SCHIP1: variants seen among roughly 807,000 people sequenced by gnomAD.
SCHIP1 encodes schwannomin-interacting protein 1.
In SCHIP1, 8 loss-of-function variants were observed where a neutral mutation model predicts 29.7. That is an observed-to-expected ratio of 0.27 (90% CI 0.16 to 0.49). The LOEUF is 0.49. Ranked by LOEUF, SCHIP1 falls within the 20% of genes least tolerant of loss-of-function variation. SCHIP1 has a pLI of 0.99. For missense variants in SCHIP1, 193 were observed against 294.6 expected (o/e 0.66, Z 2.52); for synonymous variants, 76 against 94.9 (o/e 0.80, Z 1.16).
chr3:159,764,183 G>A, the SCHIP1 span: 1 of 438,006 alleles, frequency 2.3e-6, no homozygotes, highest in South Asian at 5.6e-5. The surrounding 1 kb of genome is among the most constrained non-coding windows in gnomAD (Gnocchi z 6.1). Flanking sequence ...TGTATGAAAA[G>A]TGTGCGCGCT....
chr3:159,791,072 C>T, the SCHIP1 span, among the ~76,000 whole-genome samples: 62 of 152,134 alleles, frequency 4.1e-4, no homozygotes, highest in African/African-American at 1.5e-3. Flanking sequence ...TTATGAAACA[C>T]AATTGAATAG....
the SCHIP1 span, among the ~76,000 whole-genome samples, chr3:159,277,295 C>T: frequency 1.6e-4 from 24 of 152,094 alleles, no homozygotes; most frequent in African/African-American, 4.8e-4. Flanking sequence ...TAAAAGCAGT[C>T]AAAGACAGAC....
chr3:159,651,866 G>A, the SCHIP1 span, among the ~76,000 whole-genome samples: 5 of 152,276 alleles, frequency 3.3e-5, no homozygotes, highest in East Asian at 9.7e-4. Flanking sequence ...GGAGGCTGAG[G>A]TAGGCGGATC....
At chr3:159,871,190 A>G (rs1268055009) in intron 2 of SCHIP1, among the ~76,000 whole-genome samples, 1 of 152,074 alleles carries the variant, frequency 6.6e-6, no homozygotes, top group Non-Finnish European at 1.5e-5. Context: ...CCCACCAATA[A>G]CTAAGTATAA....
Position 159,892,201 on chromosome 3 carries a change from C to T in SCHIP1, c.683+11C>T. ...TGAAGACTTGACCAGGTCAGTGTGGCTTCACTCTTGCCAAAGAAGAAAAGC... is the reference window on the plus strand; with the variant it reads ...TGAAGACTTGACCAGGTCAGTGTGGTTTCACTCTTGCCAAAGAAGAAAAGC... On this transcript the variant is annotated intron_variant, in intron 6 of 6. Transcript: ENST00000445224. 1 of 1,614,052 alleles carries T rather than the reference C, an allele frequency of 6.2e-7. No homozygotes were observed. Among genetic ancestry groups the T allele is most frequent in the Non-Finnish European group, 8.5e-7 (1 of 1,179,996 alleles).
the SCHIP1 span, chr3:159,275,052 C>A: frequency 1.0e-6 from 1 of 974,252 alleles, no homozygotes; most frequent in Non-Finnish European, 1.2e-6. Flanking sequence ...ATGGTACTTA[C>A]ATTTTGACAG....
At chr3:159,408,247 G>A in the SCHIP1 span, among the ~76,000 whole-genome samples, 6 of 151,084 alleles carry the variant, frequency 4.0e-5, no homozygotes, top group South Asian at 4.2e-4. Flanking sequence ...GCAGTGAGCC[G>A]AGATCACACC....
the SCHIP1 span, among the ~76,000 whole-genome samples, chr3:159,753,750 T>C: frequency 2.0e-5 from 3 of 152,358 alleles, no homozygotes; most frequent in African/African-American, 7.2e-5. Context: ...AAGATCTTAG[T>C]TGCAACCCCT....
intron 1 of SCHIP1, among the ~76,000 whole-genome samples, chr3:159,854,576 G>A (rs1416815931): frequency 6.6e-6 from 1 of 152,238 alleles, no homozygotes; most frequent in East Asian, 1.9e-4. Context: ...GTGATAGTTC[G>A]CTGAGTCTCA....
chr3:159,727,201 A>G, the SCHIP1 span, among the ~76,000 whole-genome samples: 16 of 152,240 alleles, frequency 1.1e-4, no homozygotes, highest in Non-Finnish European at 1.5e-4. Context: ...TTCTAAAAAG[A>G]AAGATGTGAG....
chr3:159,382,366 T>C, the SCHIP1 span, among the ~76,000 whole-genome samples: 1 of 151,476 alleles, frequency 6.6e-6, no homozygotes, highest in African/African-American at 2.4e-5. Flanking sequence ...TGTTTGATTT[T>C]TTGTTCTTGC....
chr3:159,680,434 G>A, the SCHIP1 span, among the ~76,000 whole-genome samples: 5 of 145,094 alleles, frequency 3.4e-5, no homozygotes, highest in African/African-American at 7.7e-5. Context: ...GCTTGAACCC[G>A]GGAGGCGGAG....
chr3:159,853,276 C>G, intron 1 of SCHIP1: 2 of 583,724 alleles, frequency 3.4e-6, no homozygotes, highest in Non-Finnish European at 6.1e-6. Flanking sequence ...AGCCAGCTCT[C>G]CATGTCAGTA....
intron 5 of SCHIP1, among the ~76,000 whole-genome samples, chr3:159,889,710 G>A (rs190621081): frequency 3.9e-4 from 60 of 152,344 alleles, no homozygotes; most frequent in Non-Finnish European, 5.1e-4. Context: ...GCATTTATGA[G>A]CCAAACAGGG....
the SCHIP1 span, among the ~76,000 whole-genome samples, chr3:159,728,136 T>C: frequency 4.9e-3 from 742 of 152,276 alleles, 10 homozygotes; most frequent in Admixed American, 0.022. Flanking sequence ...ATTGTCTTAC[T>C]AGTACCTTAA....
chr3:159,602,987 G>T, the SCHIP1 span, among the ~76,000 whole-genome samples: 2 of 152,098 alleles, frequency 1.3e-5, no homozygotes, highest in African/African-American at 4.8e-5. Flanking sequence ...CCATAAGATT[G>T]TCCCCCACTT....
the SCHIP1 span, among the ~76,000 whole-genome samples, chr3:159,444,705 T>C: frequency 6.6e-6 from 1 of 152,132 alleles, no homozygotes; most frequent in Non-Finnish European, 1.5e-5. Flanking sequence ...ATATGCAGAA[T>C]GAGAGGTGGC....
chr3:159,606,732 C>A, the SCHIP1 span, among the ~76,000 whole-genome samples: 1 of 152,052 alleles, frequency 6.6e-6, no homozygotes, highest in Non-Finnish European at 1.5e-5. Flanking sequence ...TATAATCATG[C>A]GATAATACAG....
chr3:159,399,696 A>AGAT, the SCHIP1 span, among the ~76,000 whole-genome samples: 1 of 152,132 alleles, frequency 6.6e-6, no homozygotes, highest in Non-Finnish European at 1.5e-5. Context: ...TATATATTAG[A>AGAT]GATAGGGTCT....
Sources: gnomAD v4.1 joint callset for allele counts (sites outside exome capture counted in the v4.1 genomes callset) on GRCh38, gnomAD v4.1.1 for gene constraint, Gnocchi (gnomAD v3.1) non-coding constraint, MANE v1.5 for transcripts, NCBI Gene and HGNC (gene_info 2026-07-23, HGNC 2026-07-21) for gene names.